Variants in SYNPO observed in about 807,000 individuals in gnomAD.
SYNPO encodes the protein synaptopodin.
In SYNPO, 19 loss-of-function variants were observed where a neutral mutation model predicts 49.5. The observed-to-expected ratio is 0.38, with a 90% CI of 0.27 to 0.56. The LOEUF (loss-of-function observed/expected upper bound fraction) is 0.56. SYNPO is among the 20% of genes least tolerant of loss of function. The probability of loss-of-function intolerance (pLI) is 0.68; values close to 1 mark genes in which losing one functional copy is unlikely to be tolerated. For synonymous variants in SYNPO, 536 were observed against 548.0 expected (o/e 0.98, Z 0.31); for missense variants, 1,131 against 1,248.3 (o/e 0.91, Z 1.42).
chr5:150,649,330 C>T lies in SYNPO; in HGVS notation c.1055C>T (p.Ser352Phe). The T allele has an allele frequency of 3.1e-6, 5 of 1,614,228 alleles. No individual in the cohort carries two copies. Among genetic ancestry groups the T allele is most frequent in the Non-Finnish European group, 4.2e-6 (5 of 1,180,040 alleles). Residue 352 changes from serine to phenylalanine, a missense_variant, in exon 2 of 3, where the codon TCT (serine) becomes TTT (phenylalanine). By Grantham distance (155) the Ser-to-Phe change is radical. Around this residue, in one of 4 missense-constraint regions of SYNPO, gnomAD observed 602 missense variants for 720.7 expected, o/e 0.84. Coordinates refer to ENST00000307662, the MANE Select transcript of SYNPO (RefSeq NM_007286.6). ...VLYPSSDPKS[S>F]HLKGQAVPAS... is the part of the protein sequence containing the mutation. ...TATCCCAGCTCCGACCCCAAGTCTT[C>T]TCATCTGAAGGGCCAGGCGGTTCCT...
In SYNPO at chr5:150,628,067, G is replaced by GTGTGTGTGTGTGTGTGT. The variant is rs1561643388; in HGVS notation, c.400+9301_400+9302insGTGTGTGTGTGTGTGTT. ...GTGTGTGTGTGTGTGTGTGTGTGTGGTCAGAGTCTTTTGTGAACTGTCCCT... is the reference window on the plus strand; with the variant it reads ...GTGTGTGTGTGTGTGTGTGTGTGTGGTGTGTGTGTGTGTGTGTTCAGAGTCTTTTGTGAACTGTCCCT... On this transcript the variant is annotated intron_variant, in intron 2 of 2. Transcript: ENST00000394243. Among the ~76,000 whole-genome samples, 270 of 126,776 alleles carry GTGTGTGTGTGTGTGTGT rather than the reference G, an allele frequency of 2.1e-3. 2 individuals carry two copies. The highest frequency in any genetic ancestry group is 7.8e-3 in the African/African-American group (263 of 33,870). 83.2% of individuals were successfully genotyped at this position (126,776 alleles called of 152,430 possible).
intron 2 of SYNPO, among the ~76,000 whole-genome samples, chr5:150,629,523 T>G (rs1757470577): frequency 6.6e-6 from 1 of 152,110 alleles, no homozygotes; most frequent in Non-Finnish European, 1.5e-5. Flanking sequence ...TACTGGCTTG[T>G]CACCAAGAAC....
At position 150,650,918 on chromosome 5, in the gene SYNPO, C is replaced by G. The variant is rs1758355269; in HGVS notation, c.2028+615C>G. 1.0e-5 allele frequency: 13 copies of G among 1,253,318 alleles called. No homozygotes were observed. The East Asian group carries it at 1.2e-4, about 12-fold the overall frequency. 77.6% of individuals were successfully genotyped at this position (1,253,318 alleles called of 1,614,324 possible). ...TCCGCTGCTTCAGAGAGCTTTGCCT[C>G]GCCTCCGCCTGCGCTCCCCTCCAGG... On this transcript the variant is annotated intron_variant, in intron 2 of 2. Coordinates refer to ENST00000307662, the MANE Select transcript of SYNPO (RefSeq NM_007286.6).
chr5:150,602,871 G>A (rs1003805994), intron 1 of SYNPO, among the ~76,000 whole-genome samples: 4 of 152,098 alleles, frequency 2.6e-5, no homozygotes, highest in African/African-American at 4.8e-5. Flanking sequence ...TCCTAAGAGC[G>A]TTGGTTTTGA....
At chr5:150,616,122 T>C (rs60003708) in intron 1 of SYNPO, among the ~76,000 whole-genome samples, 1 of 152,052 alleles carries the variant, frequency 6.6e-6, no homozygotes, top group Non-Finnish European at 1.5e-5. Context: ...GCTCTGATTT[T>C]CCCTGGGGCT....
At chr5:150,603,572 C>T (rs1028078091) in intron 1 of SYNPO, among the ~76,000 whole-genome samples, 26 of 152,256 alleles carry the variant, frequency 1.7e-4, no homozygotes, top group African/African-American at 6.0e-4. Flanking sequence ...GGTAGCCTGA[C>T]CCTGCTCTGC....
chr5:150,622,052 A>G (rs761341051), intron 2 of SYNPO, among the ~76,000 whole-genome samples: 1 of 152,240 alleles, frequency 6.6e-6, no homozygotes, highest in Admixed American at 6.5e-5. Context: ...CCAAACTCAC[A>G]CAGTAAGTTG....
intron 2 of SYNPO, among the ~76,000 whole-genome samples, chr5:150,633,953 C>A (rs1306812776): frequency 6.6e-6 from 1 of 151,738 alleles, no homozygotes; most frequent in African/African-American, 2.4e-5. Flanking sequence ...GAAAACGCAC[C>A]TCTATTAAAA....
upstream of SYNPO, among the ~76,000 whole-genome samples, chr5:150,600,583 C>G (rs903385334): frequency 1.8e-4 from 28 of 152,186 alleles, no homozygotes; most frequent in African/African-American, 6.5e-4. Context: ...ACTCTTAACA[C>G]TCAGGGATCT....
chr5:150,593,832 G>A, the SYNPO span, among the ~76,000 whole-genome samples: 1 of 152,228 alleles, frequency 6.6e-6, no homozygotes, highest in Non-Finnish European at 1.5e-5. Flanking sequence ...ACTGTGATAA[G>A]AATTCAGAGG....
intron 1 of SYNPO, among the ~76,000 whole-genome samples, chr5:150,609,578 AGC>A (rs1756787478): frequency 6.6e-6 from 1 of 152,246 alleles, no homozygotes; most frequent in African/African-American, 2.4e-5. Context: ...TATCGGCGTG[AGC>A]CATCATGCCT....
At chr5:150,597,198 C>T (rs1756441079), upstream of SYNPO, among the ~76,000 whole-genome samples, 1 of 152,158 alleles carries the variant, frequency 6.6e-6, no homozygotes, top group Non-Finnish European at 1.5e-5. Flanking sequence ...TTTTCTTAGA[C>T]ATTGCACCTC....
chr5:150,641,099 A>T (rs1045795250), intron 1 of SYNPO, among the ~76,000 whole-genome samples: 4 of 152,122 alleles, frequency 2.6e-5, no homozygotes, highest in Non-Finnish European at 4.4e-5. Context: ...TCCCAAGAGG[A>T]GGTCTGGCAG....
upstream of SYNPO, chr5:150,640,029 C>A: frequency 1.5e-6 from 1 of 659,178 alleles, no homozygotes; most frequent in Non-Finnish European, 1.9e-6. Context: ...TTGCTGCACC[C>A]CTCTGAGCCA....
At position 150,657,148 on chromosome 5, in the gene SYNPO, G is replaced by C. The variant is rs1264352634; in HGVS notation, c.*61G>C. 46 of 1,501,506 alleles carry C rather than the reference G, an allele frequency of 3.1e-5. No homozygotes were observed. Among genetic ancestry groups the C allele is most frequent in the Non-Finnish European group, 3.9e-5 (44 of 1,118,990 alleles). The allele number at this position is 1,501,506 out of a possible 1,614,324, so 93.0% of individuals were successfully genotyped here. The stretch of plus-strand genomic sequence containing the variant: ...CCAGAAGAAGGCTCATTAGACCTGG[G>C]GGACCCAAAGGGTCTGGCCTCTTTG... On this transcript the variant is annotated 3_prime_UTR_variant, in exon 3 of 3. Transcript: ENST00000307662.
intron 2 of SYNPO, among the ~76,000 whole-genome samples, chr5:150,629,846 T>G (rs1757480358): frequency 1.3e-5 from 2 of 152,044 alleles, no homozygotes; most frequent in Admixed American, 1.3e-4. Flanking sequence ...TTAAGTGAGC[T>G]TCCAAGGTCG....
the SYNPO span, among the ~76,000 whole-genome samples, chr5:150,593,343 C>T: frequency 6.6e-6 from 1 of 152,202 alleles, no homozygotes; most frequent in Non-Finnish European, 1.5e-5. Flanking sequence ...AGGCAGAGCC[C>T]CGGAGACCTG....
At chr5:150,630,276 C>T (rs1190003159) in intron 2 of SYNPO, among the ~76,000 whole-genome samples, 1 of 152,284 alleles carries the variant, frequency 6.6e-6, no homozygotes, top group South Asian at 2.1e-4. Flanking sequence ...TCTGGCACAC[C>T]GCCACCATTG....
At chr5:150,646,149 G>A (rs1758082233) in intron 1 of SYNPO, among the ~76,000 whole-genome samples, 2 of 150,114 alleles carry the variant, frequency 1.3e-5, no homozygotes, top group South Asian at 4.2e-4. Context: ...GGGCAACACA[G>A]GGAGACCCCT....
Sources: gnomAD v4.1 joint callset for allele counts (sites outside exome capture counted in the v4.1 genomes callset) on GRCh38, gnomAD v4.1.1 for gene constraint, gnomAD v4.1.1 regional missense constraint, MANE v1.5 for transcripts, NCBI Gene and HGNC (gene_info 2026-07-23, HGNC 2026-07-21) for gene names.